Variants in SPATA18 observed in about 807,000 individuals in gnomAD.
The protein encoded by SPATA18 is mitochondria-eating protein.
In SPATA18, 54 loss-of-function variants were observed where a neutral mutation model predicts 68.1. That is an observed-to-expected ratio of 0.79 (90% CI 0.64 to 0.99). SPATA18 has a LOEUF of 0.99. Ranked by LOEUF, SPATA18 falls within the 50% of genes least tolerant of loss-of-function variation. The pLI is 0.00. For missense variants in SPATA18, 724 were observed against 681.1 expected (o/e 1.06, Z -0.70); for synonymous variants, 242 against 244.8 (o/e 0.99, Z 0.11).
At chr4:52,094,774 G>C (rs1212188015) in intron 12 of SPATA18, 106 bp from the exon 13 acceptor site, 6 of 1,491,178 alleles carry the variant, frequency 4.0e-6, no homozygotes, top group Admixed American at 1.7e-5. Flanking sequence ...CAACCAAGAG[G>C]CTTCATTGCC....
intron 5 of SPATA18, among the ~76,000 whole-genome samples, chr4:52,070,919 C>A (rs1246096994): frequency 6.6e-6 from 1 of 151,682 alleles, no homozygotes; most frequent in Non-Finnish European, 1.5e-5. Flanking sequence ...CACATACACA[C>A]CCCTTTTGAT....
intron 5 of SPATA18, 73 bp downstream of exon 5, chr4:52,069,989 T>A (rs1201573679): frequency 1.1e-6 from 1 of 877,244 alleles, no homozygotes; most frequent in African/African-American, 1.7e-5. Context: ...CATTACAACA[T>A]GAAAGAATCT....
chr4:52,095,019 C>A lies in SPATA18; in HGVS notation c.*132C>A. ...AAAGGCAATTCTGTGTATCACCCCA[C>A]ACAGAGAGTTAAATGTTTTGGCTTG... On this transcript the variant is annotated 3_prime_UTR_variant, in exon 13 of 13. Coordinates refer to ENST00000295213, the MANE Select transcript of SPATA18 (RefSeq NM_145263.4). 1 of 1,054,818 alleles carries A rather than the reference C, an allele frequency of 9.5e-7. No individual in the cohort carries two copies. Among genetic ancestry groups the A allele is most frequent in the Non-Finnish European group, 1.5e-6 (1 of 685,934 alleles). The allele number at this position is 1,054,818 out of a possible 1,614,324, so 65.3% of individuals were successfully genotyped here.
intron 10 of SPATA18, chr4:52,083,320 A>G (rs1741118106): frequency 1.0e-6 from 1 of 985,266 alleles, no homozygotes. Context: ...AGAATAGGGG[A>G]AGTGTTTTAT....
At chr4:52,089,879 G>A (rs1423528661) in intron 11 of SPATA18, among the ~76,000 whole-genome samples, 1 of 152,122 alleles carries the variant, frequency 6.6e-6, no homozygotes, top group Non-Finnish European at 1.5e-5. Flanking sequence ...TATTGACAGT[G>A]GGGTGTTAAA....
At chr4:52,083,968 T>G (rs903083638) in intron 10 of SPATA18, among the ~76,000 whole-genome samples, 10 of 151,230 alleles carry the variant, frequency 6.6e-5, no homozygotes, top group African/African-American at 2.4e-4. Context: ...CTCAAACTCC[T>G]GACCTCATGA....
At position 52,077,029 on chromosome 4, in the gene SPATA18, A is replaced by G; in HGVS notation, c.1009A>G (p.Ile337Val). The change falls in exon 7 of 13, where the codon ATC becomes GTC. Residue 337 changes from isoleucine to valine, a missense_variant. Coordinates refer to ENST00000295213, the MANE Select transcript of SPATA18 (RefSeq NM_145263.4). ...TGAGACCGTTCAGCGGATCATCTAC[A>G]TCGCCACAGTGGTATGTGACGCCTG... ...KAETVQRIIY[I>V]ATVEAFHVAK... 3.1e-6 allele frequency: 5 copies of G among 1,604,566 alleles called. No homozygotes were observed. The highest frequency in any genetic ancestry group is 4.3e-6 in the Non-Finnish European group (5 of 1,175,278).
At chr4:52,066,716 C>G (rs747272377) in intron 4 of SPATA18, among the ~76,000 whole-genome samples, 1 of 152,130 alleles carries the variant, frequency 6.6e-6, no homozygotes. Flanking sequence ...CCTGTGTTCC[C>G]GTTGTTCAGC....
At chr4:52,057,326 G>T (rs1159810197) in intron 1 of SPATA18, among the ~76,000 whole-genome samples, 1 of 152,106 alleles carries the variant, frequency 6.6e-6, no homozygotes, top group East Asian at 1.9e-4. Context: ...TGCTCTGGTT[G>T]TCTTGTGTGG....
At chr4:52,079,029 A>G (rs1367009712) in intron 8 of SPATA18, 136 bp downstream of exon 8, 2 of 979,486 alleles carry the variant, frequency 2.0e-6, no homozygotes, top group East Asian at 2.9e-5. Flanking sequence ...ACAGCATTCA[A>G]TTTACTTGGT....
At chr4:52,073,950 G>A (rs1277692743) in intron 6 of SPATA18, among the ~76,000 whole-genome samples, 1 of 152,190 alleles carries the variant, frequency 6.6e-6, no homozygotes, top group Non-Finnish European at 1.5e-5. Context: ...TCCTGCTAGT[G>A]AGCCTAAAGA....
At chr4:52,070,534 T>C (rs1271769163) in intron 5 of SPATA18, among the ~76,000 whole-genome samples, 2 of 54,286 alleles carry the variant, frequency 3.7e-5, no homozygotes, top group Non-Finnish European at 7.0e-5. Context: ...GGGACTGTTG[T>C]GGGGTAGGGG....
Position 52,075,364 on chromosome 4 carries a change from C to T in SPATA18, c.759-1415C>T, listed in dbSNP as rs1194197099. Among the ~76,000 whole-genome samples the T allele has an allele frequency of 5.3e-5, 8 of 152,242 alleles. No homozygotes were observed. The East Asian group carries it at 1.5e-3, about 29-fold the overall frequency. ...AATTAGTGTGGTGCTGGCATTTTTC[C>T]TCCTCCAATGGAACTGTTTTTGTTT... On this transcript the variant is annotated intron_variant, in intron 6 of 12. Transcript: ENST00000295213.
intron 4 of SPATA18, among the ~76,000 whole-genome samples, chr4:52,069,116 G>C (rs1243724203): frequency 6.6e-6 from 1 of 152,084 alleles, no homozygotes; most frequent in Non-Finnish European, 1.5e-5. Flanking sequence ...AGATTCTCCT[G>C]CCTTGGCTTC....
Position 52,051,757 on chromosome 4 carries a change from AG to A in SPATA18, c.55del (p.Glu19LysfsTer3). The A allele has an allele frequency of 6.2e-7, 1 of 1,614,214 alleles. No homozygotes were observed. The highest frequency in any genetic ancestry group is 8.5e-7 in the Non-Finnish European group (1 of 1,180,040). ...LVSNETLRTLQEKLDFWLKEY... is the reference protein window; with the variant it reads ...LVSNETLRTLXEKLDFWLKEY... ...TCAAACGAAACTTTACGAACGTTGC[AG>A]GAAAAGCTAGACTTCTGGCTGAAGG... On this transcript the variant is annotated frameshift_variant, in exon 1 of 13. Coordinates refer to ENST00000295213, the MANE Select transcript of SPATA18 (RefSeq NM_145263.4). LOFTEE classifies it high-confidence loss of function.
At chr4:52,078,667 A>G (rs1438502068) in intron 7 of SPATA18, 68 bp from the exon 8 acceptor site, 1 of 1,396,448 alleles carries the variant, frequency 7.2e-7, no homozygotes, top group Non-Finnish European at 9.6e-7. Flanking sequence ...ATTCTTTCTA[A>G]TTCCTTGTTT....
chr4:52,083,393 G>C, intron 10 of SPATA18: 2 of 985,312 alleles, frequency 2.0e-6, no homozygotes, highest in South Asian at 4.7e-5. Context: ...TGAAGAAAAG[G>C]GTTTTTGTAG....
intron 11 of SPATA18, among the ~76,000 whole-genome samples, chr4:52,092,260 G>GA (rs797000578): frequency 1.0e-3 from 147 of 142,626 alleles, no homozygotes; most frequent in East Asian, 4.1e-3. Flanking sequence ...GGATATGGGA[G>GA]AAAAAAAAAA....
chr4:52,051,731 C>T lies in SPATA18; in HGVS notation c.27C>T (p.Val9=). 1 of 1,614,222 alleles carries T rather than the reference C, an allele frequency of 6.2e-7. No individual in the cohort carries two copies. The highest frequency in any genetic ancestry group is 1.3e-5 in the African/African-American group (1 of 75,074). Residue 9 remains valine, a synonymous_variant, in exon 1 of 13, where the codon GTC becomes GTT. Transcript: ENST00000295213. ...TGGCGGAAAACCTGAAAAGACTGGT[C>T]TCAAACGAAACTTTACGAACGTTGC... is the stretch of plus-strand genomic sequence containing the variant. The part of the protein sequence containing the change: MAENLKRL[V]SNETLRTLQE...
Sources: gnomAD v4.1 joint callset for allele counts (sites outside exome capture counted in the v4.1 genomes callset) on GRCh38, gnomAD v4.1.1 for gene constraint, MANE v1.5 for transcripts, NCBI Gene and HGNC (gene_info 2026-07-23, HGNC 2026-07-21) for gene names.